Variants in SND1 observed in about 807,000 individuals in gnomAD.
The protein encoded by SND1 is staphylococcal nuclease domain-containing protein 1.
In SND1, 38 loss-of-function variants were observed where a neutral mutation model predicts 121.7. That is an observed-to-expected ratio of 0.31 (90% confidence interval 0.24 to 0.41). The LOEUF (loss-of-function observed/expected upper bound fraction) is 0.41. Among genes scored for constraint, SND1 ranks in the 10% least tolerant of loss-of-function variants. The probability of loss-of-function intolerance (pLI) is 1.00; values close to 1 mark genes in which losing one functional copy is unlikely to be tolerated. For missense variants in SND1, 868 were observed against 1,184.6 expected, an observed-to-expected ratio of 0.73 and a Z score of 3.92; for synonymous variants, 401 against 447.4, an observed-to-expected ratio of 0.90 and a Z score of 1.31.
chr7:127,821,719 A>T (rs1196608747), intron 11 of SND1, among the ~76,000 whole-genome samples: 1 of 18,952 alleles, frequency 5.3e-5, no homozygotes, highest in Non-Finnish European at 9.0e-5. Context: ...GGATGTGTTA[A>T]AAAAAAAATA....
At chr7:127,672,430 C>T (rs950685651) in intron 1 of SND1, among the ~76,000 whole-genome samples, 23 of 151,826 alleles carry the variant, frequency 1.5e-4, no homozygotes, top group African/African-American at 3.9e-4. Context: ...TTCAACATGG[C>T]GAAATCCTGT....
chr7:127,828,078 ACT>A (rs1452581723), intron 11 of SND1, among the ~76,000 whole-genome samples: 3 of 151,772 alleles, frequency 2.0e-5, no homozygotes, highest in South Asian at 4.2e-4. Context: ...CTCACTGAAG[ACT>A]CTGCCTCACA....
chr7:127,847,038 C>A (rs754950796), intron 12 of SND1, among the ~76,000 whole-genome samples: 2 of 151,888 alleles, frequency 1.3e-5, no homozygotes, highest in Non-Finnish European at 2.9e-5. Context: ...GAGGCCGAGG[C>A]GGTTGGATCA....
chr7:127,692,287 C>T (rs568887548), intron 2 of SND1, among the ~76,000 whole-genome samples: 25 of 152,264 alleles, frequency 1.6e-4, no homozygotes, highest in African/African-American at 6.0e-4. Context: ...GAGCAGGCCG[C>T]CAGATTGCCT....
intron 14 of SND1, among the ~76,000 whole-genome samples, chr7:127,908,484 C>T (rs1800392960): frequency 6.6e-6 from 1 of 151,928 alleles, no homozygotes; most frequent in Non-Finnish European, 1.5e-5. Flanking sequence ...TTTGTTATTT[C>T]CAATTTTTCA....
At chr7:127,659,993 G>A (rs1182583148) in intron 1 of SND1, among the ~76,000 whole-genome samples, 2 of 148,926 alleles carry the variant, frequency 1.3e-5, no homozygotes, top group Admixed American at 1.4e-4. Flanking sequence ...CATAAAGCAG[G>A]TTTTCTGTTC....
At chr7:128,024,207 G>A (rs1320531905) in intron 16 of SND1, among the ~76,000 whole-genome samples, 1 of 152,076 alleles carries the variant, frequency 6.6e-6, no homozygotes, top group Non-Finnish European at 1.5e-5. Context: ...CCCTTGCATA[G>A]GAGAGGGGTG....
chr7:127,709,824 C>T (rs530788216), intron 9 of SND1, among the ~76,000 whole-genome samples: 2 of 152,184 alleles, frequency 1.3e-5, no homozygotes, highest in African/African-American at 4.8e-5. Flanking sequence ...TGTTTGGGTA[C>T]ACGTCCGCTT....
At chr7:127,855,906 T>C (rs1011548951) in intron 12 of SND1, among the ~76,000 whole-genome samples, 3 of 152,154 alleles carry the variant, frequency 2.0e-5, no homozygotes, top group African/African-American at 7.2e-5. Context: ...CTACCCAAGG[T>C]TTAATTTACA....
chr7:127,815,437 C>T (rs1798420570), intron 11 of SND1, among the ~76,000 whole-genome samples: 1 of 151,920 alleles, frequency 6.6e-6, no homozygotes, highest in Admixed American at 6.6e-5. Flanking sequence ...CCGCAGTGAA[C>T]CATGATCATG....
intron 1 of SND1, among the ~76,000 whole-genome samples, chr7:127,665,382 T>C (rs896503769): frequency 9.2e-5 from 14 of 151,984 alleles, no homozygotes; most frequent in Admixed American, 9.2e-4. Flanking sequence ...AGAGATGGGG[T>C]TTCACCGTGT....
At chr7:128,088,020 G>A (rs1295334873) in intron 21 of SND1, among the ~76,000 whole-genome samples, 1 of 152,140 alleles carries the variant, frequency 6.6e-6, no homozygotes, top group Non-Finnish European at 1.5e-5. Flanking sequence ...ACCATGGTTG[G>A]CACTGTCACC....
At chr7:127,795,998 C>T (rs886854855) in intron 10 of SND1, among the ~76,000 whole-genome samples, 3 of 152,066 alleles carry the variant, frequency 2.0e-5, no homozygotes, top group South Asian at 2.1e-4. Context: ...GCTGGGACTA[C>T]GGGCGCCCAT....
intron 20 of SND1, 67 bp from the exon 21 acceptor site, chr7:128,086,871 A>C (rs549281620): frequency 1.6e-6 from 2 of 1,269,032 alleles, no homozygotes; most frequent in East Asian, 4.6e-5. Flanking sequence ...GGCCACAGAG[A>C]GCTGTCCTGT....
intron 13 of SND1, 83 bp from the exon 14 acceptor site, chr7:127,904,664 G>A (rs577183703): frequency 3.4e-5 from 29 of 845,288 alleles, no homozygotes; most frequent in South Asian, 2.3e-4. Flanking sequence ...AACAACCCTC[G>A]CTTCTCTCTT....
chr7:127,767,657 A>AT (rs1426911530), intron 10 of SND1, among the ~76,000 whole-genome samples: 1 of 152,218 alleles, frequency 6.6e-6, no homozygotes, highest in East Asian at 1.9e-4. Flanking sequence ...TAACAAATCT[A>AT]TTAATTCTCT....
chr7:127,686,834 C>T (rs1795822737), intron 2 of SND1, 72 bp downstream of exon 2: 1 of 1,474,266 alleles, frequency 6.8e-7, no homozygotes, highest in African/African-American at 1.4e-5. Context: ...TCGCTGATGC[C>T]ATTTTGATGT....
chr7:127,804,777 T>G (rs576493812), intron 10 of SND1, among the ~76,000 whole-genome samples: 2 of 152,276 alleles, frequency 1.3e-5, no homozygotes, highest in Admixed American at 6.5e-5. Flanking sequence ...TGCAGGATTT[T>G]GGGTTCTGAG....
At chr7:127,714,006 C>G (rs1028455997) in intron 9 of SND1, among the ~76,000 whole-genome samples, 5 of 151,772 alleles carry the variant, frequency 3.3e-5, no homozygotes, top group Middle Eastern at 3.2e-3. Context: ...CCCCTGAGCA[C>G]GTGGCTTGGC....
Sources: gnomAD v4.1 joint callset for allele counts (sites outside exome capture counted in the v4.1 genomes callset) on GRCh38, gnomAD v4.1.1 for gene constraint, MANE v1.5 for transcripts, NCBI Gene and HGNC (gene_info 2026-07-23, HGNC 2026-07-21) for gene names.